FRK: variants seen among roughly 807,000 people sequenced by gnomAD.
FRK encodes the protein fyn related Src family tyrosine kinase.
In FRK, 51 loss-of-function variants were observed where a neutral mutation model predicts 56.4. The ratio of observed to expected loss-of-function variants is 0.90; its 90% confidence interval spans 0.72 to 1.14. The LOEUF is 1.14. Ranked by LOEUF, FRK falls within the 50% of genes most tolerant of loss-of-function variation. The probability of loss-of-function intolerance (pLI) is 0.00; values close to 1 mark genes in which losing one functional copy is unlikely to be tolerated. For missense variants in FRK, 570 were observed against 601.4 expected (o/e 0.95, Z 0.55); for synonymous variants, 245 against 217.9 (o/e 1.12, Z -1.10).
rs372142630 is a variant in FRK, at chr6:116,052,207, A to G, written c.344+7761T>C. On this transcript the variant is annotated intron_variant, in intron 1 of 7. Transcript: ENST00000606080. Reference sequence around the variant, plus strand: ...AGTATTTTCTCCCCAGAGGTGGATTAGAGCAACTAATTTCTGAGAACCTGG... The same window carrying G: ...AGTATTTTCTCCCCAGAGGTGGATTGGAGCAACTAATTTCTGAGAACCTGG... Among the ~76,000 whole-genome samples, 8 of 152,348 alleles carry G rather than the reference A, an allele frequency of 5.3e-5. No individual in the cohort carries two copies. The East Asian group carries it at 1.2e-3, about 22-fold the overall frequency.
the FRK span, among the ~76,000 whole-genome samples, chr6:116,069,083 G>A: frequency 6.6e-6 from 1 of 152,104 alleles, no homozygotes; most frequent in Non-Finnish European, 1.5e-5. Context: ...ATTTGTTCTT[G>A]CCTATTAAGC....
chr6:116,075,055 G>A, the FRK span, among the ~76,000 whole-genome samples: 51 of 152,152 alleles, frequency 3.4e-4, no homozygotes, highest in Non-Finnish European at 7.4e-4. Context: ...ATCCAAGGGG[G>A]TTTTCAGCTC....
At chr6:116,009,105 A>G (rs765527542) in intron 1 of FRK, among the ~76,000 whole-genome samples, 30 of 152,142 alleles carry the variant, frequency 2.0e-4, no homozygotes, top group Non-Finnish European at 8.8e-5. Flanking sequence ...AAACAGCCGG[A>G]CTGGTTACAG....
chr6:116,083,465 G>A, the FRK span, among the ~76,000 whole-genome samples: 1 of 152,132 alleles, frequency 6.6e-6, no homozygotes, highest in Non-Finnish European at 1.5e-5. Context: ...AGAGGAGGGG[G>A]GAAGCAGTAT....
chr6:116,079,933 T>C, the FRK span, among the ~76,000 whole-genome samples: 1 of 152,068 alleles, frequency 6.6e-6, no homozygotes, highest in Non-Finnish European at 1.5e-5. Flanking sequence ...ACCTTTACCC[T>C]ACCTCAGCTC....
At chr6:116,088,024 G>A in the FRK span, among the ~76,000 whole-genome samples, 2 of 152,304 alleles carry the variant, frequency 1.3e-5, no homozygotes, top group Admixed American at 6.5e-5. Flanking sequence ...GGAGCCAGCG[G>A]GTAAACACTC....
intron 1 of FRK, among the ~76,000 whole-genome samples, chr6:116,039,899 G>A (rs1465041827): frequency 6.7e-6 from 1 of 149,184 alleles, no homozygotes; most frequent in South Asian, 2.1e-4. Context: ...TGTGTGTGCT[G>A]TGTATGTGAA....
intron 2 of FRK, among the ~76,000 whole-genome samples, chr6:115,972,259 G>T (rs981637549): frequency 4.6e-5 from 7 of 152,106 alleles, no homozygotes; most frequent in Non-Finnish European, 1.0e-4. Flanking sequence ...ACCCACTTAT[G>T]GTCCTGAGAT....
At chr6:116,049,432 A>G (rs1173344804) in intron 1 of FRK, among the ~76,000 whole-genome samples, 3 of 152,240 alleles carry the variant, frequency 2.0e-5, no homozygotes, top group African/African-American at 7.2e-5. Flanking sequence ...TTACAATCTC[A>G]GGAGAAAATA....
intron 1 of FRK, among the ~76,000 whole-genome samples, chr6:116,004,847 A>G (rs185632537): frequency 1.3e-5 from 2 of 152,308 alleles, no homozygotes; most frequent in Admixed American, 6.5e-5. Context: ...CCTGCTTTTC[A>G]CAAATGACCC....
intron 5 of FRK, among the ~76,000 whole-genome samples, chr6:115,953,513 C>G (rs776671899): frequency 3.9e-5 from 6 of 152,164 alleles, no homozygotes; most frequent in Non-Finnish European, 8.8e-5. Context: ...TGAATGTGAA[C>G]CCTCTTGACT....
intron 1 of FRK, among the ~76,000 whole-genome samples, chr6:116,021,212 A>T (rs1775862469): frequency 1.3e-5 from 2 of 151,958 alleles, no homozygotes; most frequent in Admixed American, 1.3e-4. Flanking sequence ...ATGCTTGCTT[A>T]CAAGTTTACA....
chr6:116,006,468 C>G (rs1775251714), intron 1 of FRK, among the ~76,000 whole-genome samples: 1 of 152,184 alleles, frequency 6.6e-6, no homozygotes, highest in Non-Finnish European at 1.5e-5. Flanking sequence ...CAATTTGGCA[C>G]TATCTGGTAA....
chr6:115,948,340 G>T lies in FRK; in HGVS notation c.959-3915C>A, dbSNP rs75555451. 2.6e-3 allele frequency among the ~76,000 whole-genome samples: 399 copies of T among 152,310 alleles called. 1 individual carries two copies. Among genetic ancestry groups the T allele is most frequent in the African/African-American group, 9.3e-3 (385 of 41,562 alleles). The stretch of plus-strand genomic sequence containing the variant: ...TCTACCTCCATCAGAGCCTTCAGAT[G>T]ACTGGGTACTTGCCAACACCCTGAC... On this transcript the variant is annotated intron_variant, in intron 5 of 7. Transcript: ENST00000606080.
intron 1 of FRK, among the ~76,000 whole-genome samples, chr6:116,023,943 G>A (rs1329364286): frequency 6.8e-6 from 1 of 147,480 alleles, no homozygotes; most frequent in African/African-American, 2.5e-5. Flanking sequence ...CATTTTCTTA[G>A]TTACACTTGA....
chr6:116,000,298 A>G, intron 2 of FRK, among the ~76,000 whole-genome samples: 1 of 124,784 alleles, frequency 8.0e-6, no homozygotes, highest in African/African-American at 3.1e-5. Context: ...GATGGAGTAC[A>G]ATGGCGTGAC....
the FRK span, among the ~76,000 whole-genome samples, chr6:116,084,615 C>A: frequency 6.6e-6 from 1 of 152,176 alleles, no homozygotes; most frequent in East Asian, 1.9e-4. Context: ...AGACTCAGAA[C>A]AGGCAAGATG....
At chr6:116,053,334 G>C (rs1472533996) in intron 1 of FRK, among the ~76,000 whole-genome samples, 2 of 152,154 alleles carry the variant, frequency 1.3e-5, no homozygotes, top group African/African-American at 4.8e-5. Flanking sequence ...GCTGCAACAA[G>C]AATTAATTGA....
chr6:116,078,877 T>C, the FRK span, among the ~76,000 whole-genome samples: 1 of 152,206 alleles, frequency 6.6e-6, no homozygotes, highest in Non-Finnish European at 1.5e-5. Context: ...TTTTTGTTCA[T>C]ACAGTTACCG....
Sources: allele counts gnomAD v4.1 joint callset (sites outside exome capture counted in the v4.1 genomes callset), GRCh38; gene constraint gnomAD v4.1.1; transcripts MANE v1.5; gene names NCBI Gene and HGNC (gene_info 2026-07-23, HGNC 2026-07-21).